The following RAB3GAP2 variants were observed in gnomAD, a reference collection of about 807,000 sequenced individuals.
The protein encoded by RAB3GAP2 is rab3 GTPase-activating protein non-catalytic subunit.
Under a neutral mutation model 185.3 loss-of-function variants are expected in RAB3GAP2, and 87 were observed. The observed-to-expected ratio is 0.47, with a 90% CI of 0.39 to 0.56. The LOEUF is 0.56. RAB3GAP2 is among the 20% of genes least tolerant of loss of function. The pLI is 0.00. For synonymous variants in RAB3GAP2, 554 were observed against 576.1 expected (o/e 0.96, Z 0.55); for missense variants, 1,492 against 1,638.2 (o/e 0.91, Z 1.54).
At chr1:220,272,134 G>T in intron 1 of RAB3GAP2, 89 bp downstream of exon 1, 1 of 1,130,562 alleles carries the variant, frequency 8.8e-7, no homozygotes, top group Non-Finnish European at 1.3e-6. Flanking sequence ...GGCAGAGGCA[G>T]GAGGCGCAGA....
At chr1:220,213,685 G>A (rs1659124729) in intron 3 of RAB3GAP2, among the ~76,000 whole-genome samples, 171 bp downstream of exon 3, 1 of 109,908 alleles carries the variant, frequency 9.1e-6, no homozygotes, top group Non-Finnish European at 1.7e-5. Flanking sequence ...GGAAGGGGGA[G>A]AAAGAGGGAA....
intron 1 of RAB3GAP2, among the ~76,000 whole-genome samples, chr1:220,265,764 A>G (rs1571937596): frequency 6.6e-6 from 1 of 152,004 alleles, no homozygotes; most frequent in Non-Finnish European, 1.5e-5. Flanking sequence ...ATCTCAACAA[A>G]AACCAAAAAA....
Position 220,182,790 on chromosome 1 carries a change from A to G in RAB3GAP2, c.2140T>C (p.Leu714=). The G allele has an allele frequency of 6.2e-7, 1 of 1,613,234 alleles. No homozygotes were observed. The highest frequency in any genetic ancestry group is 1.1e-5 in the South Asian group (1 of 91,004). ...KDGVLPVKTF[L]EYLEYEKDVL... ...TCCTTTTCATATTCTAAATATTCCAAGAATGTTTTTACAGGCAACACACCA... is the reference window on the plus strand; with the variant it reads ...TCCTTTTCATATTCTAAATATTCCAGGAATGTTTTTACAGGCAACACACCA... The change falls in exon 20 of 35, where the codon TTG becomes CTG. Residue 714 remains leucine (L), a synonymous_variant. Coordinates refer to ENST00000358951, the MANE Select transcript of RAB3GAP2 (RefSeq NM_012414.4).
intron 1 of RAB3GAP2, among the ~76,000 whole-genome samples, chr1:220,248,693 A>C (rs890259211): frequency 6.6e-6 from 1 of 151,966 alleles, no homozygotes; most frequent in Non-Finnish European, 1.5e-5. Context: ...TTTTGAAAGA[A>C]AAGTAGTGAT....
intron 18 of RAB3GAP2, 100 bp downstream of exon 18, chr1:220,185,551 A>T: frequency 2.4e-6 from 2 of 817,396 alleles, no homozygotes; most frequent in Non-Finnish European, 4.1e-6. Context: ...CTTCCACATT[A>T]AAGTAACATG....
At chr1:220,152,683 T>C (rs1368458427) in intron 33 of RAB3GAP2, among the ~76,000 whole-genome samples, 1 of 152,154 alleles carries the variant, frequency 6.6e-6, no homozygotes, top group East Asian at 1.9e-4. Flanking sequence ...TCCTGTTTAT[T>C]CATATGATCC....
intron 21 of RAB3GAP2, among the ~76,000 whole-genome samples, chr1:220,178,844 G>C (rs945071510): frequency 2.0e-5 from 3 of 152,222 alleles, no homozygotes; most frequent in Non-Finnish European, 4.4e-5. Context: ...AAAAGACACA[G>C]AGTGAGCTGG....
At chr1:220,253,703 A>G in intron 1 of RAB3GAP2, 1 of 1,609,050 alleles carries the variant, frequency 6.2e-7, no homozygotes, top group East Asian at 2.2e-5. Flanking sequence ...TACTTCATAC[A>G]TTACAGTGGT....
chr1:220,249,182 A>AT (rs1253616581), intron 1 of RAB3GAP2, among the ~76,000 whole-genome samples: 1 of 152,216 alleles, frequency 6.6e-6, no homozygotes, highest in Non-Finnish European at 1.5e-5. Flanking sequence ...AATGTCGGAA[A>AT]GTTTGGAACT....
At chr1:220,163,449 G>A (rs1037748213) in intron 27 of RAB3GAP2, among the ~76,000 whole-genome samples, 12 of 147,052 alleles carry the variant, frequency 8.2e-5, no homozygotes, top group East Asian at 4.0e-4. Context: ...TGCAAGCTCC[G>A]CCTCCTGGGT....
At chr1:220,234,114 G>C (rs1022654080) in intron 1 of RAB3GAP2, among the ~76,000 whole-genome samples, 2 of 152,158 alleles carry the variant, frequency 1.3e-5, no homozygotes, top group African/African-American at 4.8e-5. Context: ...AATCATAAAG[G>C]CATGGAAAAC....
chr1:220,169,182 G>A (rs947116262), intron 24 of RAB3GAP2, among the ~76,000 whole-genome samples: 5 of 152,154 alleles, frequency 3.3e-5, no homozygotes, highest in African/African-American at 1.2e-4. Context: ...GTTTTATAAA[G>A]AATGAGAAAA....
Position 220,157,840 on chromosome 1 carries a change from G to C in RAB3GAP2, c.3298C>G (p.Leu1100Val), listed in dbSNP as rs769615212. 45 of 1,613,764 alleles carry C rather than the reference G, an allele frequency of 2.8e-5. No individual in the cohort carries two copies. The highest frequency in any genetic ancestry group is 3.8e-5 in the Non-Finnish European group (45 of 1,179,716). Residue 1100 changes from leucine (L) to valine (V), a missense_variant, in exon 30 of 35, where the codon CTC (leucine) becomes GTC (valine). Transcript: ENST00000358951. The stretch of plus-strand genomic sequence containing the variant: ...TGAAGAAGATCCAAACAGGAGCCGA[G>C]GAAAGATGTCATTGCTGTGTCACTC... ...GMSDTAMTSF[L>V]GSCLDLLQIL...
Position 220,154,049 on chromosome 1 carries a change from A to C in RAB3GAP2, c.3564T>G (p.Asn1188Lys). 6.2e-7 allele frequency: 1 copy of C among 1,613,312 alleles called. No homozygotes were observed. Among genetic ancestry groups the C allele is most frequent in the Non-Finnish European group, 8.5e-7 (1 of 1,179,690 alleles). ...PLSLFDSKGK[N>K]AFFKDLTSIQ... is the part of the protein sequence containing the mutation. ...TTGAAGTTAGGTCTTTGAAAAATGC[A>C]TTTTTTCCCTAAAAAGAAAGAGAGC... The change falls in exon 32 of 35, where the codon AAT (asparagine) becomes AAG (lysine). Residue 1188 changes from asparagine (N) to lysine (K), a missense_variant. Transcript: ENST00000358951.
In RAB3GAP2 at chr1:220,158,061, A is replaced by C. The variant is rs77761642; in HGVS notation, c.3262-185T>G. ...CCTTCTTTTAGATTTACTGTCAACC[A>C]ATTTTAAAGTCAAGCTTTACAAAGT... On this transcript the variant is annotated intron_variant, in intron 29 of 34. Coordinates refer to ENST00000358951, the MANE Select transcript of RAB3GAP2 (RefSeq NM_012414.4). The surrounding 1 kb of genome is among the most constrained non-coding windows in gnomAD (Gnocchi z 4.3). Among the ~76,000 whole-genome samples, 1 of 152,332 alleles carries C rather than the reference A, an allele frequency of 6.6e-6. No homozygotes were observed. Among genetic ancestry groups the C allele is most frequent in the African/African-American group, 2.4e-5 (1 of 41,580 alleles).
chr1:220,250,251 C>T (rs1488447550), intron 1 of RAB3GAP2, among the ~76,000 whole-genome samples: 3 of 152,152 alleles, frequency 2.0e-5, no homozygotes, highest in African/African-American at 4.8e-5. Flanking sequence ...GTGACATGGA[C>T]GTGAGACATG....
rs750356886 is a variant in RAB3GAP2, at chr1:220,210,481, C to T, written c.519G>A (p.Val173=). The change falls in exon 7 of 35, where the codon GTG becomes GTA. Residue 173 remains valine (V), a synonymous_variant. Transcript: ENST00000358951. ...GYVRFYTENG[V]LLLAQLLNED... ...CATTCAAAAGCTGTGCAAGCAAGAG[C>T]ACACCATTCTAGGAGGAAGCACAGA... The T allele has an allele frequency of 6.2e-7, 1 of 1,613,356 alleles. No individual in the cohort carries two copies. The highest frequency in any genetic ancestry group is 1.1e-5 in the South Asian group (1 of 91,060).
Position 220,157,500 on chromosome 1 carries a change from G to T in RAB3GAP2, c.3337-12C>A. ...CTGCTAACATCTGCCTAAGGGTTTT[G>T]AGAATGGAGGACTGTGTTCAGTAAT... On this transcript the variant is annotated splice_polypyrimidine_tract_variant and intron_variant, in intron 30 of 34. Transcript: ENST00000358951. 6.2e-7 allele frequency: 1 copy of T among 1,609,668 alleles called. No individual in the cohort carries two copies. The highest frequency in any genetic ancestry group is 1.1e-5 in the South Asian group (1 of 90,944).
At chr1:220,195,534 C>A (rs1019857148) in intron 10 of RAB3GAP2, among the ~76,000 whole-genome samples, 157 bp from the exon 11 acceptor site, 2 of 152,008 alleles carry the variant, frequency 1.3e-5, no homozygotes, top group South Asian at 4.2e-4. Context: ...TTATTTTAGG[C>A]GTAATATGAG....
Sources: allele counts gnomAD v4.1 joint callset (sites outside exome capture counted in the v4.1 genomes callset), GRCh38; gene constraint gnomAD v4.1.1; non-coding constraint Gnocchi (gnomAD v3.1); transcripts MANE v1.5; gene names NCBI Gene and HGNC (gene_info 2026-07-23, HGNC 2026-07-21).